The following RASGRP4 variants were observed in gnomAD, a reference collection of about 807,000 sequenced individuals.
RASGRP4 encodes the protein RAS guanyl releasing protein 4.
A neutral mutation model predicts 84.4 loss-of-function variants in RASGRP4; 52 were observed. The ratio of observed to expected loss-of-function variants is 0.62; its 90% CI spans 0.49 to 0.78. The LOEUF (loss-of-function observed/expected upper bound fraction) is 0.78. RASGRP4 is among the 30% of genes least tolerant of loss of function. The pLI, the probability that RASGRP4 is intolerant of heterozygous loss-of-function variation, is 0.00. For missense variants in RASGRP4, 760 were observed against 886.9 expected (o/e 0.86, Z 1.82); for synonymous variants, 356 against 359.1 (o/e 0.99, Z 0.10).
chr19:38,422,243 C>A, intron 1 of RASGRP4, 90 bp from the exon 2 acceptor site: 1 of 1,236,774 alleles, frequency 8.1e-7, no homozygotes, highest in Non-Finnish European at 1.1e-6. Context: ...CAAGGCACCA[C>A]GGGAGAGGCT....
Position 38,422,022 on chromosome 19 carries a change from C to T in RASGRP4, c.155G>A (p.Ser52Asn), listed in dbSNP as rs1971776016. 3 of 1,613,468 alleles carry T rather than the reference C, an allele frequency of 1.9e-6. No homozygotes were observed. The highest frequency in any genetic ancestry group is 2.5e-6 in the Non-Finnish European group (3 of 1,179,726). Reference protein sequence around the residue: ...VMASMNLGLLSEGGCSEDELL... With the variant: ...VMASMNLGLLNEGGCSEDELL... ...CTCATCTTCGCTGCAGCCGCCCTCA[C>T]TCAGCAGGCCCAGGTTCATGGAAGC... is the stretch of plus-strand genomic sequence containing the variant. Residue 52 changes from serine to asparagine, a missense_variant, in exon 2 of 17, where the codon AGT becomes AAT. By Grantham distance (46) the Ser-to-Asn change is conservative (BLOSUM62 1). Coordinates refer to ENST00000615439, the MANE Select transcript of RASGRP4 (RefSeq NM_170604.3).
At position 38,409,968 on chromosome 19, in the gene RASGRP4, G is replaced by T; in HGVS notation, c.*72C>A. On this transcript the variant is annotated 3_prime_UTR_variant, in exon 17 of 17. Coordinates refer to ENST00000615439, the MANE Select transcript of RASGRP4 (RefSeq NM_170604.3). ...CTGGAGGCCTACCTCTGGGAGCCCT[G>T]CCAGAGTCTGACGGCAGGACTCAGG... The T allele has an allele frequency of 1.5e-6, 2 of 1,292,198 alleles. No individual in the cohort carries two copies. Among genetic ancestry groups the T allele is most frequent in the South Asian group, 2.7e-5 (2 of 75,424 alleles). The allele number at this position is 1,292,198 out of a possible 1,614,324, so 80.0% of individuals were successfully genotyped here.
rs1971731615 is a variant in RASGRP4, at chr19:38,421,159, T to C, written c.250A>G (p.Met84Val). The C allele has an allele frequency of 6.2e-7, 1 of 1,613,718 alleles. No homozygotes were observed. Among genetic ancestry groups the C allele is most frequent in the Admixed American group, 1.7e-5 (1 of 59,994 alleles). Residue 84 changes from methionine (M) to valine (V), a missense_variant, in exon 3 of 17, where the codon ATG becomes GTG. Physicochemically the swap from Met to Val is conservative, Grantham distance 21. Transcript: ENST00000615439. Reference protein sequence around the residue: ...SLCHEDHMLNMVLAMHSWVLP... With the variant: ...SLCHEDHMLNVVLAMHSWVLP... ...ACCCAGCTGTGCATGGCCAGCACCA[T>C]GTTGAGCATGTGGTCCTCGTGGCAC...
rs762893263 is a variant in RASGRP4 at position 38,421,089 on chromosome 19, G to A, written c.314+6C>T. 4 of 1,612,868 alleles carry A rather than the reference G, an allele frequency of 2.5e-6. No homozygotes were observed. In the South Asian group the frequency reaches 3.3e-5, roughly 13 times the overall value. Reference sequence around the variant, plus strand: ...TCCACCCATAGCTCACAGTCCTGGAGGATATGAGGTCAGCAGGCGGGCAGC... The same window carrying A: ...TCCACCCATAGCTCACAGTCCTGGAAGATATGAGGTCAGCAGGCGGGCAGC... On this transcript the variant is annotated splice_donor_region_variant and intron_variant, in intron 3 of 16. Transcript: ENST00000615439.
At chr19:38,411,453 G>A (rs370382726) in intron 13 of RASGRP4, 72 bp from the exon 14 acceptor site, 1 of 1,380,582 alleles carries the variant, frequency 7.2e-7, no homozygotes, top group Admixed American at 2.6e-5. Context: ...GGCAGCTGGG[G>A]AGTGGAAGTG....
intron 1 of RASGRP4, among the ~76,000 whole-genome samples, 193 bp downstream of exon 1, chr19:38,425,876 C>A (rs760294375): frequency 2.0e-5 from 3 of 152,142 alleles, no homozygotes; most frequent in Non-Finnish European, 4.4e-5. Flanking sequence ...AGGGACAACA[C>A]GGTACAGATG....
Position 38,418,524 on chromosome 19 carries a change from C to T in RASGRP4, c.704G>A (p.Arg235Gln), listed in dbSNP as rs778001765. The T allele has an allele frequency of 6.3e-5, 98 of 1,548,558 alleles. No homozygotes were observed. Among genetic ancestry groups the T allele is most frequent in the Non-Finnish European group, 8.3e-5 (95 of 1,146,546 alleles). The change falls in exon 7 of 17, where the codon CGA becomes CAA. Residue 235 changes from arginine (R) to glutamine (Q), a missense_variant. Transcript: ENST00000615439. This position sits in a 1 kb window ranked among gnomAD's most constrained non-coding sequence, Gnocchi z 4.6. ...GGAGCCCTCCAGGGCCGGGCAGCCT[C>T]GTACTGAGCCCTGCAAAACGTAGCT... ...LRSYVLQGSV[R>Q]GCPALEGSVG...
chr19:38,419,395 T>C (rs1299687243), intron 6 of RASGRP4, among the ~76,000 whole-genome samples: 1 of 152,240 alleles, frequency 6.6e-6, no homozygotes, highest in East Asian at 1.9e-4. Context: ...TAAGTGCCAG[T>C]CGCTGCAATA....
At chr19:38,416,218 C>T (rs544861061) in intron 8 of RASGRP4, among the ~76,000 whole-genome samples, 1 of 151,568 alleles carries the variant, frequency 6.6e-6, no homozygotes, top group African/African-American at 2.4e-5. Context: ...AATCCCAGCA[C>T]TTTTGGAGGC....
At position 38,413,521 on chromosome 19, in the gene RASGRP4, C is replaced by T. The variant is rs896862989; in HGVS notation, c.1231-47G>A. On this transcript the variant is annotated intron_variant, in intron 9 of 16. Transcript: ENST00000615439. This position sits in a 1 kb window ranked among gnomAD's most constrained non-coding sequence, Gnocchi z 4.7. ...CGGATCCTCCCATCTATAGCCCTGCCCCAGACCCCCACACCCACTCGCAGG... is the reference window on the plus strand; with the variant it reads ...CGGATCCTCCCATCTATAGCCCTGCTCCAGACCCCCACACCCACTCGCAGG... The T allele has an allele frequency of 1.4e-6, 2 of 1,479,646 alleles. No individual in the cohort carries two copies. Among genetic ancestry groups the T allele is most frequent in the Non-Finnish European group, 9.3e-7 (1 of 1,080,244 alleles). 91.7% of individuals were successfully genotyped at this position (1,479,646 alleles called of 1,614,324 possible). A position where few individuals can be genotyped will look rare whatever the true frequency, so the allele number is the denominator to read the frequency against.
intron 8 of RASGRP4, 34 bp from the exon 9 acceptor site, chr19:38,415,157 C>T: frequency 6.5e-7 from 1 of 1,539,300 alleles, no homozygotes; most frequent in Non-Finnish European, 8.8e-7. Flanking sequence ...GGGGCGTTAT[C>T]AGGACAGTCC....
intron 5 of RASGRP4, 31 bp downstream of exon 5, chr19:38,420,100 C>T: frequency 6.2e-7 from 1 of 1,608,826 alleles, no homozygotes; most frequent in African/African-American, 1.3e-5. Context: ...GGCGATGGGG[C>T]AGGGAAGAGG....
intron 1 of RASGRP4, among the ~76,000 whole-genome samples, chr19:38,424,066 C>T (rs748652687): frequency 1.1e-4 from 16 of 152,048 alleles, no homozygotes; most frequent in East Asian, 9.7e-4. Flanking sequence ...TCAATTTCCT[C>T]GAAGGAAAAA....
At position 38,412,088 on chromosome 19, in the gene RASGRP4, TG is replaced by T. The variant is rs1247186477; in HGVS notation, c.1680+583del. 3.4e-4 allele frequency among the ~76,000 whole-genome samples: 21 copies of T among 60,942 alleles called. No individual in the cohort carries two copies. In the African/African-American group the frequency reaches 5.4e-3, roughly 16 times the overall value. The allele number at this position is 60,942 out of a possible 152,430, so 40.0% of individuals were successfully genotyped here. A position where few individuals can be genotyped will look rare whatever the true frequency, so the allele number is the denominator to read the frequency against. On this transcript the variant is annotated intron_variant, in intron 13 of 16. Coordinates refer to ENST00000615439, the MANE Select transcript of RASGRP4 (RefSeq NM_170604.3). This position sits in a 1 kb window ranked among gnomAD's most constrained non-coding sequence, Gnocchi z 4.6. ...CGGTTTGGAGATTATCCAGGTTTGT[TG>T]TTGTTGTTGTTGTTGTTGTTGTTGT...
intron 1 of RASGRP4, among the ~76,000 whole-genome samples, chr19:38,424,752 T>C (rs894235874): frequency 6.6e-6 from 1 of 151,978 alleles, no homozygotes; most frequent in African/African-American, 2.4e-5. Flanking sequence ...TAAAGTATTA[T>C]ATATGTCCTA....
rs1253545418 is a variant in RASGRP4 at position 38,418,361 on chromosome 19, G to A, written c.837+30C>T. On this transcript the variant is annotated intron_variant, in intron 7 of 16. Transcript: ENST00000615439. The surrounding 1 kb of genome is among the most constrained non-coding windows in gnomAD (Gnocchi z 4.6). ...AAGGACCAGGTGGCTGCGTGCAGTG[G>A]AGTTCGCAGCCCCAAGGGGCGGGCC... 2 of 1,587,628 alleles carry A rather than the reference G, an allele frequency of 1.3e-6. No homozygotes were observed. Among genetic ancestry groups the A allele is most frequent in the African/African-American group, 1.3e-5 (1 of 74,356 alleles).
At chr19:38,419,753 G>T in intron 6 of RASGRP4, 107 bp downstream of exon 6, 2 of 1,127,802 alleles carry the variant, frequency 1.8e-6, no homozygotes, top group Non-Finnish European at 2.5e-6. Flanking sequence ...TGAGATCTCT[G>T]CCGAATGACC....
In RASGRP4 at chr19:38,413,912, C is replaced by G. The variant is rs1034161777; in HGVS notation, c.1231-438G>C. On this transcript the variant is annotated intron_variant, in intron 9 of 16. Coordinates refer to ENST00000615439, the MANE Select transcript of RASGRP4 (RefSeq NM_170604.3). The surrounding 1 kb of genome is among the most constrained non-coding windows in gnomAD (Gnocchi z 4.7). Reference sequence around the variant, plus strand: ...AAAAACATGTTACTTAAATAGAATACAGAGCTCACTCTGCTCCATATACTG... The same window carrying G: ...AAAAACATGTTACTTAAATAGAATAGAGAGCTCACTCTGCTCCATATACTG... 6.6e-6 allele frequency among the ~76,000 whole-genome samples: 1 copy of G among 152,122 alleles called. No homozygotes were observed. The highest frequency in any genetic ancestry group is 2.4e-5 in the African/African-American group (1 of 41,424).
Position 38,413,141 on chromosome 19 carries a change from C to A in RASGRP4, c.1416+52G>T. ...CCCCACCTCCAGGCTCAGGGTTCTA[C>A]AGATGTCTTCCCTCCTGGCTGCTGG... is the stretch of plus-strand genomic sequence containing the variant. On this transcript the variant is annotated intron_variant, in intron 11 of 16. Coordinates refer to ENST00000615439, the MANE Select transcript of RASGRP4 (RefSeq NM_170604.3). This position sits in a 1 kb window ranked among gnomAD's most constrained non-coding sequence, Gnocchi z 4.7. 3.2e-6 allele frequency: 5 copies of A among 1,585,698 alleles called. No individual in the cohort carries two copies. The highest frequency in any genetic ancestry group is 4.3e-6 in the Non-Finnish European group (5 of 1,154,844).
Sources: gnomAD v4.1 joint callset for allele counts (sites outside exome capture counted in the v4.1 genomes callset) on GRCh38, gnomAD v4.1.1 for gene constraint, Gnocchi (gnomAD v3.1) non-coding constraint, MANE v1.5 for transcripts, NCBI Gene and HGNC (gene_info 2026-07-23, HGNC 2026-07-21) for gene names.